Variants in GTF3C1 observed in about 807,000 individuals in gnomAD.
The protein encoded by GTF3C1 is general transcription factor IIIC subunit 1.
In GTF3C1, 57 loss-of-function variants were observed where a neutral mutation model predicts 226.7. The ratio of observed to expected loss-of-function variants is 0.25; its 90% confidence interval spans 0.20 to 0.31. The LOEUF (loss-of-function observed/expected upper bound fraction) is 0.31, where lower values mean the gene tolerates loss of function less well. Among genes scored for constraint, GTF3C1 ranks in the 10% least tolerant of loss-of-function variants. The pLI, the probability that GTF3C1 is intolerant of heterozygous loss-of-function variation, is 1.00. For missense variants in GTF3C1, 2,217 were observed against 2,776.1 expected, an observed-to-expected ratio of 0.80 and a Z score of 4.53; for synonymous variants, 1,090 against 1,084.8, an observed-to-expected ratio of 1.00 and a Z score of -0.09.
intron 20 of GTF3C1, 48 bp downstream of exon 20, chr16:27,489,554 A>G (rs1351647922): frequency 2.0e-6 from 3 of 1,474,990 alleles, no homozygotes; most frequent in Non-Finnish European, 2.8e-6. Flanking sequence ...TGAAATGAGC[A>G]CCACCGCAGC....
intron 5 of GTF3C1, 148 bp downstream of exon 5, chr16:27,533,143 G>GAA (rs758070171): frequency 1.9e-6 from 1 of 527,962 alleles, no homozygotes; most frequent in Admixed American, 3.3e-5. Context: ...AAAAAGAAAA[G>GAA]AAAAAAACAG....
At chr16:27,511,011 G>C (rs1343161007) in intron 7 of GTF3C1, among the ~76,000 whole-genome samples, 2 of 152,226 alleles carry the variant, frequency 1.3e-5, no homozygotes, top group African/African-American at 2.4e-5. Context: ...TAATGTGCTA[G>C]TGTGGATACT....
Position 27,508,975 on chromosome 16 carries a change from G to A in GTF3C1, c.1127-320C>T, listed in dbSNP as rs1326869215. On this transcript the variant is annotated intron_variant, in intron 7 of 36. Coordinates refer to ENST00000356183, the MANE Select transcript of GTF3C1 (RefSeq NM_001520.4). Reference sequence around the variant, plus strand: ...AAGAACCCAATAGGTTTTACCCAACGGCAGGAAATTAGCCCTTTCGCATGA... The same window carrying A: ...AAGAACCCAATAGGTTTTACCCAACAGCAGGAAATTAGCCCTTTCGCATGA... Among the ~76,000 whole-genome samples the A allele has an allele frequency of 4.6e-5, 7 of 152,148 alleles. No homozygotes were observed. The South Asian group carries it at 1.0e-3, about 23-fold the overall frequency.
At chr16:27,485,429 T>C (rs1269691884) in intron 24 of GTF3C1, among the ~76,000 whole-genome samples, 1 of 152,180 alleles carries the variant, frequency 6.6e-6, no homozygotes, top group Admixed American at 6.5e-5. Flanking sequence ...ATGAGAAGTA[T>C]CCGGCCAAGA....
chr16:27,477,680 C>T (rs2087972937), intron 28 of GTF3C1, among the ~76,000 whole-genome samples: 1 of 152,162 alleles, frequency 6.6e-6, no homozygotes, highest in Non-Finnish European at 1.5e-5. Flanking sequence ...ATGTAAGATA[C>T]AAAATATAAA....
rs1357519275 is a variant in GTF3C1 at position 27,465,355 on chromosome 16, A to C, written c.5260T>G (p.Cys1754Gly). The change falls in exon 33 of 37, where the codon TGT becomes GGT. Residue 1754 changes from cysteine to glycine, a missense_variant. Around this residue, in one of 12 missense-constraint regions of GTF3C1, gnomAD observed 455 missense variants for 441.9 expected, o/e 1.03. Coordinates refer to ENST00000356183, the MANE Select transcript of GTF3C1 (RefSeq NM_001520.4). ...AGCTCCTCCTTGTCAATCCCAAAAC[A>C]ACCCGTGGCTATAATGGCTTCCAAG... ...EILEAIIATG[C>G]FGIDKEELRR... is the part of the protein sequence containing the mutation. 4.3e-6 allele frequency: 7 copies of C among 1,614,024 alleles called. No homozygotes were observed. The South Asian group carries it at 6.6e-5, about 15-fold the overall frequency.
chr16:27,538,396 C>G (rs769978807), intron 2 of GTF3C1, 40 bp from the exon 3 acceptor site: 1 of 1,269,286 alleles, frequency 7.9e-7, no homozygotes, highest in East Asian at 2.5e-5. Flanking sequence ...ATAAGTTTAA[C>G]TGATTTTAGG....
Position 27,469,580 on chromosome 16 carries a change from A to T in GTF3C1, c.4815-30T>A. On this transcript the variant is annotated intron_variant, in intron 31 of 36. Coordinates refer to ENST00000356183, the MANE Select transcript of GTF3C1 (RefSeq NM_001520.4). The surrounding 1 kb of genome is among the most constrained non-coding windows in gnomAD (Gnocchi z 4.5). Reference sequence around the variant, plus strand: ...AAGGGAATTGTGACCTGGATACCTGAGCATAGGCCAGCCAGTTGCTACTGC... The same window carrying T: ...AAGGGAATTGTGACCTGGATACCTGTGCATAGGCCAGCCAGTTGCTACTGC... 6.3e-7 allele frequency: 1 copy of T among 1,588,652 alleles called. No individual in the cohort carries two copies. Among genetic ancestry groups the T allele is most frequent in the Non-Finnish European group, 8.6e-7 (1 of 1,161,986 alleles).
chr16:27,540,282 G>A (rs1445282073), intron 2 of GTF3C1, among the ~76,000 whole-genome samples: 1 of 152,204 alleles, frequency 6.6e-6, no homozygotes, highest in Non-Finnish European at 1.5e-5. Context: ...CAAAAAGAAT[G>A]TTATGTTGCG....
chr16:27,542,802 C>T (rs1567417518), intron 2 of GTF3C1, among the ~76,000 whole-genome samples: 1 of 152,174 alleles, frequency 6.6e-6, no homozygotes, highest in Non-Finnish European at 1.5e-5. Flanking sequence ...CTCGGACCTT[C>T]CACCATGCTA....
chr16:27,533,722 A>C (rs2088957076), intron 4 of GTF3C1, among the ~76,000 whole-genome samples: 1 of 152,224 alleles, frequency 6.6e-6, no homozygotes, highest in South Asian at 2.1e-4. Flanking sequence ...ATATCTTCTT[A>C]CAAATCACTT....
At position 27,470,600 on chromosome 16, in the gene GTF3C1, G is replaced by T. The variant is rs2087853332; in HGVS notation, c.4527-205C>A. 4 of 570,990 alleles carry T rather than the reference G, an allele frequency of 7.0e-6. No homozygotes were observed. In the East Asian group the frequency reaches 1.2e-4, roughly 17 times the overall value. 35.4% of individuals were successfully genotyped at this position (570,990 alleles called of 1,614,324 possible). ...GTGTCTCTCTTCCCCGCTTGCCTGA[G>T]TACCTTCCGGGCAGAGTCCTGTCTC... is the stretch of plus-strand genomic sequence containing the variant. On this transcript the variant is annotated intron_variant, in intron 30 of 36. Coordinates refer to ENST00000356183, the MANE Select transcript of GTF3C1 (RefSeq NM_001520.4). The surrounding 1 kb of genome is among the most constrained non-coding windows in gnomAD (Gnocchi z 4.9).
chr16:27,508,311 C>CT (rs965896322), intron 8 of GTF3C1, among the ~76,000 whole-genome samples: 12 of 152,164 alleles, frequency 7.9e-5, no homozygotes, highest in African/African-American at 2.9e-4. Flanking sequence ...ATGCCTGGCA[C>CT]TTTTCAAAGC....
chr16:27,500,215 T>C (rs1005281294), intron 12 of GTF3C1, among the ~76,000 whole-genome samples: 4 of 152,176 alleles, frequency 2.6e-5, no homozygotes, highest in Non-Finnish European at 4.4e-5. Context: ...GCAGTTTTTC[T>C]TGGCCTTCTC....
At chr16:27,525,846 AC>A (rs1382441453) in intron 6 of GTF3C1, among the ~76,000 whole-genome samples, 1 of 152,208 alleles carries the variant, frequency 6.6e-6, no homozygotes, top group Non-Finnish European at 1.5e-5. Context: ...TAATAACTGC[AC>A]TTTTTGCCAT....
intron 29 of GTF3C1, among the ~76,000 whole-genome samples, chr16:27,472,246 G>C (rs1385462619): frequency 1.3e-5 from 2 of 152,194 alleles, no homozygotes; most frequent in Non-Finnish European, 2.9e-5. Context: ...AATCAACACA[G>C]AATCATCTCG....
At chr16:27,519,747 AGAAAG>A (rs1436502966) in intron 6 of GTF3C1, among the ~76,000 whole-genome samples, 4 of 152,212 alleles carry the variant, frequency 2.6e-5, no homozygotes, top group Non-Finnish European at 4.4e-5. Context: ...ACAGAAGGAA[AGAAAG>A]GAAAGAGAGA....
At chr16:27,537,358 GA>G (rs2089016208) in intron 4 of GTF3C1, among the ~76,000 whole-genome samples, 3 of 152,112 alleles carry the variant, frequency 2.0e-5, no homozygotes, top group Non-Finnish European at 2.9e-5. Context: ...CAAAAAAACA[GA>G]TAACAAATGC....
chr16:27,501,428 A>C lies in GTF3C1; in HGVS notation c.1908-84T>G. The C allele has an allele frequency of 3.3e-6, 4 of 1,216,130 alleles. No individual in the cohort carries two copies. In the South Asian group the frequency reaches 3.8e-5, roughly 12 times the overall value. The allele number at this position is 1,216,130 out of a possible 1,614,324, so 75.3% of individuals were successfully genotyped here. A position where few individuals can be genotyped will look rare whatever the true frequency, so the allele number is the denominator to read the frequency against. ...AACCCAGGCAACACAGACATGCCTC[A>C]CGGTACCCAATAGAAACAAGGAAGG... On this transcript the variant is annotated intron_variant, in intron 11 of 36. Transcript: ENST00000356183.
Sources: gnomAD v4.1 joint callset for allele counts (sites outside exome capture counted in the v4.1 genomes callset) on GRCh38, gnomAD v4.1.1 for gene constraint, gnomAD v4.1.1 regional missense constraint, Gnocchi (gnomAD v3.1) non-coding constraint, MANE v1.5 for transcripts, NCBI Gene and HGNC (gene_info 2026-07-23, HGNC 2026-07-21) for gene names.